Variants in PCDHGA7 observed in about 807,000 individuals in gnomAD.
PCDHGA7 encodes the protein protocadherin gamma subfamily A, 7, also known as protocadherin gamma-A7.
PCDHGA7 carries 44 observed loss-of-function variants against 58.3 expected under a neutral mutation model. The ratio of observed to expected loss-of-function variants is 0.75; its 90% CI spans 0.59 to 0.97. The LOEUF is 0.97. PCDHGA7 is among the 50% of genes least tolerant of loss of function. PCDHGA7 has a pLI of 0.00. For missense variants in PCDHGA7, 1,266 were observed against 1,188.7 expected, an observed-to-expected ratio of 1.06 and a Z score of -0.96; for synonymous variants, 516 against 504.2, an observed-to-expected ratio of 1.02 and a Z score of -0.31.
intron 1 of PCDHGA7, chr5:141,399,703 C>T: frequency 1.2e-6 from 2 of 1,613,474 alleles, no homozygotes; most frequent in African/African-American, 1.3e-5. Flanking sequence ...CACCTTCGAA[C>T]TCACACTACA....
At chr5:141,423,237 C>A in intron 1 of PCDHGA7, 1 of 1,613,916 alleles carries the variant, frequency 6.2e-7, no homozygotes, top group Non-Finnish European at 8.5e-7. Context: ...ACAGCATCCC[C>A]GAAGTCCTGG....
chr5:141,502,173 T>C (rs1377892969), intron 2 of PCDHGA7, among the ~76,000 whole-genome samples: 2 of 152,178 alleles, frequency 1.3e-5, no homozygotes, highest in African/African-American at 4.8e-5. Flanking sequence ...AGTTGAGGAA[T>C]TTAACATTAA....
intron 1 of PCDHGA7, among the ~76,000 whole-genome samples, chr5:141,488,007 G>A (rs1269050547): frequency 6.6e-6 from 1 of 152,178 alleles, no homozygotes; most frequent in African/African-American, 2.4e-5. Flanking sequence ...ATCAGATTCT[G>A]AAGTACCTTA....
At chr5:141,426,826 T>C (rs2096963111) in intron 1 of PCDHGA7, 1 of 456,600 alleles carries the variant, frequency 2.2e-6, no homozygotes, top group Admixed American at 2.3e-5. Flanking sequence ...TCTCTGATGA[T>C]GGACAAGACT....
At chr5:141,400,756 C>G (rs1220648843) in intron 1 of PCDHGA7, 1 of 584,890 alleles carries the variant, frequency 1.7e-6, no homozygotes, top group African/African-American at 1.9e-5. Context: ...AGCTTCCTCT[C>G]TAGCAAAAAC....
chr5:141,422,909 C>T (rs1260941191), intron 1 of PCDHGA7: 1 of 1,614,252 alleles, frequency 6.2e-7, no homozygotes, highest in East Asian at 2.2e-5. Flanking sequence ...GACAATGCGC[C>T]CGAGATCCTG....
intron 1 of PCDHGA7, among the ~76,000 whole-genome samples, chr5:141,451,830 G>A (rs940668278): frequency 6.6e-5 from 10 of 151,238 alleles, no homozygotes; most frequent in East Asian, 1.9e-4. Flanking sequence ...ACAGTGAGCC[G>A]AGATCACACC....
At chr5:141,387,089 G>T (rs1034064461) in intron 1 of PCDHGA7, among the ~76,000 whole-genome samples, 1 of 152,162 alleles carries the variant, frequency 6.6e-6, no homozygotes, top group African/African-American at 2.4e-5. Flanking sequence ...TGTGATCATC[G>T]AAATGAGAAT....
chr5:141,390,185 T>C, intron 1 of PCDHGA7: 1 of 1,614,042 alleles, frequency 6.2e-7, no homozygotes, highest in Non-Finnish European at 8.5e-7. Context: ...TCCTAAAATG[T>C]AGTGAGCAGT....
chr5:141,403,241 G>C, intron 1 of PCDHGA7: 1 of 1,613,956 alleles, frequency 6.2e-7, no homozygotes. Flanking sequence ...GGAGCTCTGT[G>C]CTCAGAGCCC....
chr5:141,429,488 T>TA (rs748742046), intron 1 of PCDHGA7, among the ~76,000 whole-genome samples: 13 of 152,096 alleles, frequency 8.5e-5, no homozygotes, highest in Non-Finnish European at 1.6e-4. Flanking sequence ...TAGCTGAGAC[T>TA]ACAGTTGCCT....
At chr5:141,400,684 G>GT (rs1422516327) in intron 1 of PCDHGA7, 1 of 834,872 alleles carries the variant, frequency 1.2e-6, no homozygotes, top group African/African-American at 1.7e-5. Flanking sequence ...TAAATTGTGA[G>GT]TTTTTATGTC....
chr5:141,391,728 T>C (rs2092412871), intron 1 of PCDHGA7: 1 of 152,222 alleles, frequency 6.6e-6, no homozygotes, highest in East Asian at 1.9e-4. Flanking sequence ...ACAGACTTTT[T>C]TGTAGTCATA....
chr5:141,414,413 C>T, intron 1 of PCDHGA7: 1 of 1,613,830 alleles, frequency 6.2e-7, no homozygotes. Flanking sequence ...ATACACAGAG[C>T]CCTTGACAGG....
intron 1 of PCDHGA7, among the ~76,000 whole-genome samples, chr5:141,443,486 A>AAAAC (rs1345310906): frequency 6.6e-6 from 1 of 152,166 alleles, no homozygotes; most frequent in Non-Finnish European, 1.5e-5. Flanking sequence ...ACCCTGTCCC[A>AAAAC]AAACAAACAA....
intron 1 of PCDHGA7, chr5:141,389,975 CTCAGT>C: frequency 6.2e-7 from 1 of 1,614,060 alleles, no homozygotes; most frequent in South Asian, 1.1e-5. Flanking sequence ...TGGCCTTGAT[CTCAGT>C]GCTCTTCCTC....
At chr5:141,397,693 A>G (rs1389804077) in intron 1 of PCDHGA7, among the ~76,000 whole-genome samples, 2 of 152,244 alleles carry the variant, frequency 1.3e-5, no homozygotes, top group East Asian at 1.9e-4. Flanking sequence ...TTGTATAAAA[A>G]CCCAACGTGA....
At chr5:141,427,901 G>T in intron 1 of PCDHGA7, 1 of 1,572,232 alleles carries the variant, frequency 6.4e-7, no homozygotes. Flanking sequence ...GCTCGCCCGC[G>T]CTCAGCGCCA....
intron 1 of PCDHGA7, chr5:141,393,343 A>G (rs751102208): frequency 8.1e-6 from 13 of 1,613,914 alleles, no homozygotes; most frequent in Non-Finnish European, 1.1e-5. Context: ...CCCAATCACC[A>G]CTTCTCCCTG....
Sources: allele counts gnomAD v4.1 joint callset (sites outside exome capture counted in the v4.1 genomes callset), GRCh38; gene constraint gnomAD v4.1.1; transcripts MANE v1.5; gene names NCBI Gene and HGNC (gene_info 2026-07-23, HGNC 2026-07-21).